The following ANK2 variants were observed in gnomAD, a reference collection of about 807,000 sequenced individuals.
ANK2 encodes the protein ankyrin 2, also known as ankyrin-2.
ANK2 carries 83 observed loss-of-function variants against 360.5 expected under a neutral mutation model. The ratio of observed to expected loss-of-function variants is 0.23; its 90% CI spans 0.19 to 0.28. The LOEUF (loss-of-function observed/expected upper bound fraction) is 0.28, where lower values mean the gene tolerates loss of function less well. ANK2 is among the 10% of genes least tolerant of loss of function. The pLI, the probability that ANK2 is intolerant of heterozygous loss-of-function variation, is 1.00. For missense variants in ANK2, 4,201 were observed against 4,795.7 expected, an observed-to-expected ratio of 0.88 and a Z score of 3.66; for synonymous variants, 1,740 against 1,759.5, an observed-to-expected ratio of 0.99 and a Z score of 0.28.
chr4:112,946,602 A>C (rs149012135), intron 2 of ANK2, among the ~76,000 whole-genome samples: 7 of 152,308 alleles, frequency 4.6e-5, no homozygotes, highest in Non-Finnish European at 8.8e-5. Context: ...CTTACAAATA[A>C]ATTAAGTTTA....
intron 10 of ANK2, among the ~76,000 whole-genome samples, chr4:113,250,764 C>CCCA (rs1040363295): frequency 7.2e-6 from 1 of 139,712 alleles, no homozygotes; most frequent in Non-Finnish European, 1.6e-5. Flanking sequence ...CGCCCCCCCC[C>CCCA]CCGACAGAGT....
intron 1 of ANK2, among the ~76,000 whole-genome samples, chr4:112,896,500 T>A (rs995955495): frequency 6.6e-6 from 1 of 152,178 alleles, no homozygotes; most frequent in African/African-American, 2.4e-5. Flanking sequence ...AAAAAAGGAT[T>A]GAGGAATGCA....
At chr4:112,887,424 G>A (rs1398435845) in intron 1 of ANK2, among the ~76,000 whole-genome samples, 2 of 152,204 alleles carry the variant, frequency 1.3e-5, no homozygotes, top group African/African-American at 4.8e-5. Context: ...TAGGTTAGGT[G>A]TATTAAGTGC....
chr4:113,365,191 G>A lies in ANK2; in HGVS notation c.11032+9G>A. On this transcript the variant is annotated intron_variant, in intron 41 of 45. Coordinates refer to ENST00000357077, the MANE Select transcript of ANK2 (RefSeq NM_001148.6). ...ACTGGATCATAGTGAAGGTCAAACT[G>A]TGTGTGTGTATGTGTGTGTGTGTGT... 1.9e-6 allele frequency: 3 copies of A among 1,550,946 alleles called. No individual in the cohort carries two copies. The highest frequency in any genetic ancestry group is 2.6e-6 in the Non-Finnish European group (3 of 1,148,658).
intron 2 of ANK2, among the ~76,000 whole-genome samples, chr4:112,998,045 T>C (rs1354748512): frequency 6.6e-6 from 1 of 152,038 alleles, no homozygotes; most frequent in Non-Finnish European, 1.5e-5. Context: ...CTAAATGAGA[T>C]GGTCTTAATT....
chr4:113,083,585 A>T (rs991938844), intron 1 of ANK2, among the ~76,000 whole-genome samples: 1 of 152,150 alleles, frequency 6.6e-6, no homozygotes, highest in African/African-American at 2.4e-5. Flanking sequence ...ATAAGGAGTG[A>T]GAGAGAGGGG....
intron 2 of ANK2, among the ~76,000 whole-genome samples, chr4:112,970,734 AT>A (rs1463384532): frequency 4.4e-4 from 67 of 152,308 alleles, no homozygotes; most frequent in African/African-American, 1.6e-3. Context: ...AAAGTACAAA[AT>A]TTCAGTTAGA....
At chr4:112,722,914 T>A in the ANK2 span, among the ~76,000 whole-genome samples, 3 of 151,550 alleles carry the variant, frequency 2.0e-5, no homozygotes, top group Non-Finnish European at 4.4e-5. Context: ...CAGTGAGCCA[T>A]GATCACGCCA....
At chr4:113,375,738 A>G (rs1194767531) in intron 45 of ANK2, among the ~76,000 whole-genome samples, 22 of 151,270 alleles carry the variant, frequency 1.5e-4, no homozygotes, top group African/African-American at 5.3e-4. Context: ...AAAAAAAAAG[A>G]AAAAAAAGAA....
At chr4:113,294,970 C>T (rs1445712950) in intron 22 of ANK2, among the ~76,000 whole-genome samples, 1 of 152,146 alleles carries the variant, frequency 6.6e-6, no homozygotes, top group Non-Finnish European at 1.5e-5. Context: ...ATACGTGAAG[C>T]CTTTAGTGGC....
chr4:113,123,289 AATG>A (rs1173927648), intron 1 of ANK2, among the ~76,000 whole-genome samples: 3 of 152,102 alleles, frequency 2.0e-5, no homozygotes, highest in African/African-American at 7.2e-5. Flanking sequence ...GATTAAAAAT[AATG>A]ATATTTACAC....
Position 113,098,161 on chromosome 4 carries a change from A to C in ANK2, c.84+48349A>C, listed in dbSNP as rs184942899. Among the ~76,000 whole-genome samples the C allele has an allele frequency of 6.6e-5, 10 of 151,890 alleles. No homozygotes were observed. In the East Asian group the frequency reaches 1.7e-3, roughly 26 times the overall value. ...AGCTTTTATCATAGAAAACTAGAGA[A>C]GATAAAGAACTATATAAACCTAAAG... On this transcript the variant is annotated intron_variant, in intron 1 of 45. Transcript: ENST00000357077.
Position 113,323,168 on chromosome 4 carries a change from A to G in ANK2, c.2900+4548A>G, listed in dbSNP as rs1015721225. Among the ~76,000 whole-genome samples the G allele has an allele frequency of 2.1e-4, 32 of 152,128 alleles. 1 individual carries two copies. The highest frequency in any genetic ancestry group is 6.5e-4 in the African/African-American group (27 of 41,432). ...CATTATGACCACTGAGGAAGACAGC[A>G]ATCTCCAAAGCAGGAAATGAAGTAT... On this transcript the variant is annotated intron_variant, in intron 26 of 45. Transcript: ENST00000357077.
At chr4:113,008,354 C>T (rs887975255) in intron 2 of ANK2, among the ~76,000 whole-genome samples, 2 of 152,154 alleles carry the variant, frequency 1.3e-5, no homozygotes, top group African/African-American at 4.8e-5. Flanking sequence ...GCAAGTGTAG[C>T]CCTAGAATTC....
At chr4:112,906,201 G>GCC (rs2085141950) in intron 2 of ANK2, among the ~76,000 whole-genome samples, 1 of 152,088 alleles carries the variant, frequency 6.6e-6, no homozygotes, top group Non-Finnish European at 1.5e-5. Flanking sequence ...TTGGTAGGGA[G>GCC]TGTCAAATGT....
intron 1 of ANK2, among the ~76,000 whole-genome samples, chr4:112,843,748 ATGT>A (rs1402290190): frequency 2.0e-5 from 3 of 152,166 alleles, no homozygotes; most frequent in Non-Finnish European, 4.4e-5. Context: ...TGTTTGAGAA[ATGT>A]TGTCCTTAAT....
rs2072358947 is a variant in ANK2 at position 112,870,120 on chromosome 4, TC to T, written c.-39-34332del. 2.6e-5 allele frequency among the ~76,000 whole-genome samples: 4 copies of T among 152,236 alleles called. No homozygotes were observed. The South Asian group carries it at 8.3e-4, about 32-fold the overall frequency. On this transcript the variant is annotated intron_variant, in intron 1 of 30. Coordinates refer to the ANK2 transcript ENST00000503271. ...TTCAAATGATTCTCCTGCCTCAGCT[TC>T]CCTAGTAGCTGGGACTACAGGTGCC...
intron 2 of ANK2, among the ~76,000 whole-genome samples, chr4:112,916,861 T>C (rs566467869): frequency 2.0e-5 from 3 of 152,348 alleles, no homozygotes; most frequent in African/African-American, 7.2e-5. Context: ...TCATTATATA[T>C]AAAGTACTGT....
intron 14 of ANK2, among the ~76,000 whole-genome samples, chr4:113,270,566 T>G (rs746273244): frequency 2.0e-5 from 3 of 152,208 alleles, no homozygotes; most frequent in Non-Finnish European, 2.9e-5. Flanking sequence ...TTTCAGATGT[T>G]ATCTTTTGTT....
Sources: gnomAD v4.1 joint callset for allele counts (sites outside exome capture counted in the v4.1 genomes callset) on GRCh38, gnomAD v4.1.1 for gene constraint, MANE v1.5 for transcripts, NCBI Gene and HGNC (gene_info 2026-07-23, HGNC 2026-07-21) for gene names.